LARS1: variants seen among roughly 807,000 people sequenced by gnomAD.
LARS1 encodes leucine--tRNA ligase, cytoplasmic.
Under a neutral mutation model 162.8 loss-of-function variants are expected in LARS1, and 100 were observed. The ratio of observed to expected loss-of-function variants is 0.61; its 90% confidence interval spans 0.52 to 0.73. The LOEUF (loss-of-function observed/expected upper bound fraction) is 0.73, where lower values mean the gene tolerates loss of function less well. LARS1 is among the 30% of genes least tolerant of loss of function. LARS1 has a pLI of 0.00. For synonymous variants in LARS1, 457 were observed against 462.8 expected, an observed-to-expected ratio of 0.99 and a Z score of 0.16; for missense variants, 1,258 against 1,408.9, an observed-to-expected ratio of 0.89 and a Z score of 1.71.
chr5:146,133,233 T>A, intron 22 of LARS1, 152 bp from the exon 23 acceptor site: 4 of 577,010 alleles, frequency 6.9e-6, no homozygotes, highest in Non-Finnish European at 1.1e-5. Flanking sequence ...AAAATTAAAA[T>A]CACCAAAAAG....
intron 21 of LARS1, among the ~76,000 whole-genome samples, chr5:146,136,872 C>T (rs1752522726): frequency 6.6e-6 from 1 of 152,134 alleles, no homozygotes; most frequent in South Asian, 2.1e-4. Flanking sequence ...ACATCAGCTG[C>T]CATTTGTTTA....
At chr5:146,134,464 A>C (rs1752423089) in intron 22 of LARS1, among the ~76,000 whole-genome samples, 1 of 152,204 alleles carries the variant, frequency 6.6e-6, no homozygotes, top group Non-Finnish European at 1.5e-5. Flanking sequence ...ACACAAACTG[A>C]GTTAGCCATG....
chr5:146,159,593 G>T (rs1753687464), intron 7 of LARS1, 123 bp from the exon 8 acceptor site: 2 of 685,430 alleles, frequency 2.9e-6, no homozygotes, highest in Non-Finnish European at 5.2e-6. Flanking sequence ...GTAGATATCT[G>T]TGTCTATTAT....
rs533599156 is a variant in LARS1 at position 146,116,937 on chromosome 5, T to C, written c.3326-2626A>G. Among the ~76,000 whole-genome samples the C allele has an allele frequency of 3.9e-4, 59 of 152,322 alleles. No individual in the cohort carries two copies. In the Middle Eastern group the frequency reaches 0.014, roughly 35 times the overall value. The stretch of plus-strand genomic sequence containing the variant: ...CCTCTTCCATCTCATATACTGAATA[T>C]ACTCAGGCCTTTTAGATATCAAGGC... On this transcript the variant is annotated intron_variant, in intron 31 of 31. Transcript: ENST00000394434.
At chr5:146,172,117 G>C in intron 3 of LARS1, 127 bp from the exon 4 acceptor site, 1 of 816,336 alleles carries the variant, frequency 1.2e-6, no homozygotes, top group Non-Finnish European at 2.0e-6. Flanking sequence ...TTAGATTTTA[G>C]GCATCCCAAA....
chr5:146,115,834 A>G (rs1261943874), intron 31 of LARS1, among the ~76,000 whole-genome samples: 1 of 152,180 alleles, frequency 6.6e-6, no homozygotes, highest in Non-Finnish European at 1.5e-5. Context: ...GAAATAGAAG[A>G]TATTTTCTGA....
At chr5:146,123,789 C>T (rs933747742) in intron 29 of LARS1, among the ~76,000 whole-genome samples, 193 bp downstream of exon 29, 1 of 151,522 alleles carries the variant, frequency 6.6e-6, no homozygotes, top group Non-Finnish European at 1.5e-5. Context: ...AATAAGATGA[C>T]ATATCACTTT....
intron 31 of LARS1, among the ~76,000 whole-genome samples, chr5:146,115,700 T>G (rs1208271020): frequency 6.6e-6 from 1 of 151,400 alleles, no homozygotes; most frequent in Non-Finnish European, 1.5e-5. Flanking sequence ...TTCTGAGACT[T>G]CCCAACATCA....
intron 2 of LARS1, among the ~76,000 whole-genome samples, chr5:146,174,530 A>ATATATCCATATATG: frequency 1.0e-5 from 1 of 96,230 alleles, no homozygotes; most frequent in African/African-American, 2.9e-5. Flanking sequence ...CCATATATAT[A>ATATATCCATATATG]TATATATCCA....
chr5:146,147,585 C>T (rs957276555), intron 15 of LARS1, among the ~76,000 whole-genome samples: 5 of 151,934 alleles, frequency 3.3e-5, no homozygotes, highest in African/African-American at 7.3e-5. Context: ...TGTATTCATA[C>T]ACACACACAA....
chr5:146,160,365 C>A lies in LARS1; in HGVS notation c.707+9G>T, dbSNP rs774172047. On this transcript the variant is annotated intron_variant, in intron 7 of 31. Coordinates refer to ENST00000394434, the MANE Select transcript of LARS1 (RefSeq NM_020117.11). The stretch of plus-strand genomic sequence containing the variant: ...TTTGCTTTATTATGCTCAAGTATAA[C>A]AAACTTACCGCTTCCCAAATTTAAT... The A allele has an allele frequency of 6.7e-7, 1 of 1,482,030 alleles. No homozygotes were observed. Among genetic ancestry groups the A allele is most frequent in the Non-Finnish European group, 9.2e-7 (1 of 1,084,632 alleles). 91.8% of individuals were successfully genotyped at this position (1,482,030 alleles called of 1,614,324 possible).
At chr5:146,180,203 G>A (rs2962514) in intron 1 of LARS1, among the ~76,000 whole-genome samples, 146,972 of 152,262 alleles carry the variant, frequency 0.97, 71,161 homozygotes, top group East Asian at 1. Context: ...CTACTGCACT[G>A]CAGCCTGGTT....
At position 146,131,118 on chromosome 5, in the gene LARS1, T is replaced by A. The variant is rs1182069048; in HGVS notation, c.2397-9A>T. 3 of 1,435,808 alleles carry A rather than the reference T, an allele frequency of 2.1e-6. No individual in the cohort carries two copies. The highest frequency in any genetic ancestry group is 1.2e-5 in the South Asian group (1 of 80,702). 88.9% of individuals were successfully genotyped at this position (1,435,808 alleles called of 1,614,324 possible). The stretch of plus-strand genomic sequence containing the variant: ...TTCCTGCATTCAATTCACTATTGAA[T>A]ACGGGGAAAAAAAGGTTATTGAGTT... On this transcript the variant is annotated splice_polypyrimidine_tract_variant and intron_variant, in intron 23 of 31. Transcript: ENST00000394434.
At chr5:146,119,807 A>T (rs929177504) in intron 31 of LARS1, among the ~76,000 whole-genome samples, 27 of 152,326 alleles carry the variant, frequency 1.8e-4, no homozygotes, top group African/African-American at 5.8e-4. Flanking sequence ...ACCTGTTTGA[A>T]TTCCAGATCT....
At chr5:146,127,365 G>A (rs951731641) in intron 27 of LARS1, among the ~76,000 whole-genome samples, 1 of 151,960 alleles carries the variant, frequency 6.6e-6, no homozygotes, top group East Asian at 1.9e-4. Flanking sequence ...CACCAAAATG[G>A]TGCCACATTC....
At position 146,128,661 on chromosome 5, in the gene LARS1, G is replaced by A. The variant is rs116460108; in HGVS notation, c.2880+11C>T. 247 of 1,527,934 alleles carry A rather than the reference G, an allele frequency of 1.6e-4. No homozygotes were observed. In the African/African-American group the frequency reaches 3.1e-3, roughly 19 times the overall value. The allele number at this position is 1,527,934 out of a possible 1,614,324, so 94.6% of individuals were successfully genotyped here. On this transcript the variant is annotated intron_variant, in intron 27 of 31. Transcript: ENST00000394434. ...CACCATCAGGGGGGAAAAGTCTACT[G>A]AGAGCATCACCTCAAAGTGTTTACG... is the stretch of plus-strand genomic sequence containing the variant.
At position 146,135,622 on chromosome 5, in the gene LARS1, T is replaced by C. The variant is rs773439713; in HGVS notation, c.2191A>G (p.Ile731Val). 48 of 1,605,202 alleles carry C rather than the reference T, an allele frequency of 3.0e-5. No homozygotes were observed. The highest frequency in any genetic ancestry group is 4.1e-5 in the Non-Finnish European group (48 of 1,177,220). The change falls in exon 22 of 32, where the codon ATT becomes GTT. Residue 731 changes from isoleucine to valine, a missense_variant. Physicochemically the swap from Ile to Val is conservative, Grantham distance 29. Transcript: ENST00000394434. Reference protein sequence around the residue: ...TGNFLTLTQAIDKFSADGMRL... With the variant: ...TGNFLTLTQAVDKFSADGMRL... ...TCACCATCTGCTGAAAATTTGTCAATAGCTTGGGTCAAAGTGAGGAAGTTG... is the reference window on the plus strand; with the variant it reads ...TCACCATCTGCTGAAAATTTGTCAACAGCTTGGGTCAAAGTGAGGAAGTTG...
At chr5:146,175,372 T>C (rs1296954809) in intron 2 of LARS1, among the ~76,000 whole-genome samples, 1 of 147,568 alleles carries the variant, frequency 6.8e-6, no homozygotes, top group East Asian at 2.1e-4. Flanking sequence ...ACCCCGTCTC[T>C]ATTAAAAACA....
Position 146,114,239 on chromosome 5 carries a change from T to C in LARS1, c.3398A>G (p.Lys1133Arg). The C allele has an allele frequency of 6.2e-7, 1 of 1,613,970 alleles. No individual in the cohort carries two copies. The highest frequency in any genetic ancestry group is 8.5e-7 in the Non-Finnish European group (1 of 1,179,982). ...AATGGGGGTCTTCTCGGTGTACTCC[T>C]TTCCCAGGACAGGAACTCGTCGAGG... ...LGPRRVPVLG[K>R]EYTEKTPISE... Residue 1133 changes from lysine to arginine, a missense_variant, in exon 32 of 32, where the codon AAG becomes AGG. Physicochemically the swap from Lys to Arg is conservative, Grantham distance 26. Coordinates refer to ENST00000394434, the MANE Select transcript of LARS1 (RefSeq NM_020117.11).
Sources: gnomAD v4.1 joint callset for allele counts (sites outside exome capture counted in the v4.1 genomes callset) on GRCh38, gnomAD v4.1.1 for gene constraint, MANE v1.5 for transcripts, NCBI Gene and HGNC (gene_info 2026-07-23, HGNC 2026-07-21) for gene names.